The following TOM1 variants were observed in gnomAD, a reference collection of about 807,000 sequenced individuals.
TOM1 encodes the protein target of myb1 membrane trafficking protein.
Under a neutral mutation model 61.3 loss-of-function variants are expected in TOM1, and 38 were observed. That is an observed-to-expected ratio of 0.62 (90% confidence interval 0.48 to 0.81). The LOEUF is 0.81. Among genes scored for constraint, TOM1 ranks in the 40% least tolerant of loss-of-function variants. The pLI is 0.00. For synonymous variants in TOM1, 270 were observed against 268.8 expected (o/e 1.00, Z -0.04); for missense variants, 591 against 659.6 (o/e 0.90, Z 1.14).
At chr22:35,300,593 G>A (rs924502338) in intron 1 of TOM1, among the ~76,000 whole-genome samples, 1 of 152,188 alleles carries the variant, frequency 6.6e-6, no homozygotes, top group African/African-American at 2.4e-5. Flanking sequence ...CAGAACCTGA[G>A]CAGACAGTGG....
chr22:35,305,061 G>A (rs145190229), intron 1 of TOM1, among the ~76,000 whole-genome samples: 12 of 152,314 alleles, frequency 7.9e-5, no homozygotes, highest in Middle Eastern at 3.4e-3. Context: ...AAGCCAAGCC[G>A]GGGGAGCCAC....
At chr22:35,319,826 C>A (rs1569025160) in intron 2 of TOM1, among the ~76,000 whole-genome samples, 1 of 152,226 alleles carries the variant, frequency 6.6e-6, no homozygotes, top group Non-Finnish European at 1.5e-5. Flanking sequence ...GCCAGGACCC[C>A]CCTTGGTGGG....
intron 13 of TOM1, 24 bp downstream of exon 13, chr22:35,345,808 CCA>C: frequency 6.2e-7 from 1 of 1,612,428 alleles, no homozygotes; most frequent in Non-Finnish European, 8.5e-7. Context: ...CACTCCTCAC[CCA>C]CACAGCAGGA....
intron 12 of TOM1, among the ~76,000 whole-genome samples, chr22:35,340,873 C>G (rs1227218324): frequency 1.3e-5 from 2 of 152,240 alleles, no homozygotes; most frequent in African/African-American, 4.8e-5. Context: ...TCTCAGGAGC[C>G]ATTCCCAAGT....
In TOM1 at chr22:35,321,927, C is replaced by A. The variant is rs776837055; in HGVS notation, c.138-32C>A. ...TGGTGTTAGGTAAGGGGGCTCTATT[C>A]CTAAGCCCACCCTTTTTCTTGTCCT... On this transcript the variant is annotated intron_variant, in intron 2 of 14. Transcript: ENST00000449058. 2.5e-6 allele frequency: 4 copies of A among 1,593,300 alleles called. No homozygotes were observed. The Admixed American group carries it at 6.7e-5, about 27-fold the overall frequency.
At chr22:35,318,042 C>A in intron 2 of TOM1, 81 bp downstream of exon 2, 1 of 1,276,536 alleles carries the variant, frequency 7.8e-7, no homozygotes. Flanking sequence ...TCCAGGGAGC[C>A]CCTGCCCCAG....
Position 35,321,650 on chromosome 22 carries a change from C to T in TOM1, c.138-309C>T, listed in dbSNP as rs573689705. 1,299 of 477,356 alleles carry T rather than the reference C, an allele frequency of 2.7e-3. 5 individuals carry two copies. The highest frequency in any genetic ancestry group is 4.0e-3 in the Middle Eastern group (7 of 1,740). The allele number at this position is 477,356 out of a possible 1,614,324, so 29.6% of individuals were successfully genotyped here. A position where few individuals can be genotyped will look rare whatever the true frequency, so the allele number is the denominator to read the frequency against. On this transcript the variant is annotated intron_variant, in intron 2 of 14. Transcript: ENST00000449058. ...CTGGCCTCAAGTGATCCACCTGCCTCAGCCTCCCAAAGTCCTGGGATTACA... is the reference window on the plus strand; with the variant it reads ...CTGGCCTCAAGTGATCCACCTGCCTTAGCCTCCCAAAGTCCTGGGATTACA...
At chr22:35,345,477 G>C (rs1347578378) in intron 12 of TOM1, 2 of 580,452 alleles carry the variant, frequency 3.4e-6, no homozygotes, top group African/African-American at 3.7e-5. Context: ...TCTTCAAGGG[G>C]AAGGAGCTCC....
intron 3 of TOM1, chr22:35,322,341 CCG>C: frequency 2.8e-6 from 1 of 353,248 alleles, no homozygotes; most frequent in Non-Finnish European, 5.2e-6. Context: ...ACCCAGGCCT[CCG>C]CGGGGGCAGG....
chr22:35,325,858 G>C (rs1928264308), intron 6 of TOM1, among the ~76,000 whole-genome samples: 1 of 152,180 alleles, frequency 6.6e-6, no homozygotes, highest in Non-Finnish European at 1.5e-5. Context: ...TAAGACATCA[G>C]GTGTGCAGTG....
chr22:35,300,457 G>A (rs1925648632), intron 1 of TOM1, among the ~76,000 whole-genome samples: 1 of 152,208 alleles, frequency 6.6e-6, no homozygotes, highest in Non-Finnish European at 1.5e-5. Flanking sequence ...TGGCGTCTTG[G>A]GGCCAACTGG....
In TOM1 at chr22:35,323,980, C is replaced by G; in HGVS notation, c.648+66C>G. 1 of 1,495,348 alleles carries G rather than the reference C, an allele frequency of 6.7e-7. No individual in the cohort carries two copies. The highest frequency in any genetic ancestry group is 8.9e-7 in the Non-Finnish European group (1 of 1,119,124). The allele number at this position is 1,495,348 out of a possible 1,614,324, so 92.6% of individuals were successfully genotyped here. On this transcript the variant is annotated intron_variant, in intron 6 of 14. Transcript: ENST00000449058. The surrounding 1 kb of genome is among the most constrained non-coding windows in gnomAD (Gnocchi z 4.2). ...TGGGCCACACACGTCAGGGAGGGCC[C>G]CCTGTCAGAATTTACCATCCACGGA... is the stretch of plus-strand genomic sequence containing the variant.
chr22:35,324,783 C>T (rs1044542602), intron 6 of TOM1, among the ~76,000 whole-genome samples: 16 of 152,236 alleles, frequency 1.1e-4, no homozygotes, highest in Admixed American at 9.8e-4. Context: ...CTCCTGAGCT[C>T]AAGTGATCTA....
Position 35,330,436 on chromosome 22 carries a change from C to A in TOM1, c.855C>A (p.Leu285=). The change falls in exon 8 of 15, where the codon CTC becomes CTA. Residue 285 remains leucine, a synonymous_variant. Coordinates refer to ENST00000449058, the MANE Select transcript of TOM1 (RefSeq NM_005488.3). ...ATGAGCAGCTGACAGAGGAGCTGCT[C>A]ATCGTCAATGACAATCTCAACAATG... The part of the protein sequence containing the change: ...IANEQLTEEL[L]IVNDNLNNVF... The A allele has an allele frequency of 1.2e-6, 2 of 1,613,576 alleles. No individual in the cohort carries two copies. The highest frequency in any genetic ancestry group is 2.2e-5 in the South Asian group (2 of 91,006).
At chr22:35,299,640 A>T (rs776473922), upstream of TOM1, 5 of 473,032 alleles carry the variant, frequency 1.1e-5, no homozygotes, top group Non-Finnish European at 1.9e-5. Flanking sequence ...CTCGCCCTAA[A>T]AGGTCAGGGG....
chr22:35,318,002 A>G, intron 2 of TOM1, 41 bp downstream of exon 2: 5 of 1,524,496 alleles, frequency 3.3e-6, no homozygotes, highest in Non-Finnish European at 4.6e-6. Flanking sequence ...AGAGACGGCC[A>G]TCCCACCACG....
At chr22:35,318,818 G>T (rs1927528048) in intron 2 of TOM1, among the ~76,000 whole-genome samples, 1 of 152,244 alleles carries the variant, frequency 6.6e-6, no homozygotes, top group African/African-American at 2.4e-5. Context: ...TGAGAAATCA[G>T]TGTGGACCCT....
chr22:35,331,254 C>T (rs545802008), intron 8 of TOM1: 112 of 445,736 alleles, frequency 2.5e-4, no homozygotes, highest in Non-Finnish European at 4.2e-4. Context: ...CACCACCACA[C>T]CCAGCTAATT....
At chr22:35,318,900 G>A (rs1043230527) in intron 2 of TOM1, among the ~76,000 whole-genome samples, 1 of 152,218 alleles carries the variant, frequency 6.6e-6, no homozygotes. Context: ...TCTCAGCCCG[G>A]GAGGGCTTTG....
Sources: allele counts gnomAD v4.1 joint callset (sites outside exome capture counted in the v4.1 genomes callset), GRCh38; gene constraint gnomAD v4.1.1; non-coding constraint Gnocchi (gnomAD v3.1); transcripts MANE v1.5; gene names NCBI Gene and HGNC (gene_info 2026-07-23, HGNC 2026-07-21).